The following LDB2 variants were observed in gnomAD, a reference collection of about 807,000 sequenced individuals.
LDB2 encodes LIM domain binding 2, also known as LIM domain-binding protein 2.
LDB2 carries 12 observed loss-of-function variants against 44.3 expected under a neutral mutation model. The observed-to-expected ratio is 0.27, with a 90% confidence interval of 0.17 to 0.44. LDB2 has a LOEUF of 0.44. Ranked by LOEUF, LDB2 falls within the 20% of genes least tolerant of loss-of-function variation. The pLI is 1.00. For synonymous variants in LDB2, 164 were observed against 174.8 expected (o/e 0.94, Z 0.49); for missense variants, 344 against 473.5 (o/e 0.73, Z 2.54).
At chr4:16,562,555 G>T (rs1381691092) in intron 5 of LDB2, among the ~76,000 whole-genome samples, 1 of 152,204 alleles carries the variant, frequency 6.6e-6, no homozygotes, top group Non-Finnish European at 1.5e-5. Context: ...TCATTAAAAA[G>T]TCAGGAAACA....
intron 1 of LDB2, among the ~76,000 whole-genome samples, chr4:16,886,664 A>T (rs1490662080): frequency 6.6e-6 from 1 of 152,196 alleles, no homozygotes; most frequent in African/African-American, 2.4e-5. Flanking sequence ...ATAAACTGGC[A>T]AAGGAAATCA....
At position 16,561,578 on chromosome 4, in the gene LDB2, CA is replaced by C. The variant is rs1354078157; in HGVS notation, c.615+24343del. Among the ~76,000 whole-genome samples, 4 of 152,144 alleles carry C rather than the reference CA, an allele frequency of 2.6e-5. No homozygotes were observed. The East Asian group carries it at 7.7e-4, about 29-fold the overall frequency. On this transcript the variant is annotated intron_variant, in intron 5 of 7. Transcript: ENST00000304523. ...TCAAGGCAATAAAAGAGGATACAAA[CA>C]AATGGAAGAACATTCCATGCTCATG... is the stretch of plus-strand genomic sequence containing the variant.
At chr4:16,572,192 A>G (rs1048724281) in intron 5 of LDB2, among the ~76,000 whole-genome samples, 1 of 152,174 alleles carries the variant, frequency 6.6e-6, no homozygotes, top group African/African-American at 2.4e-5. Flanking sequence ...AACTCCCTTC[A>G]TGCTTTGCCC....
rs528659037 is a variant in LDB2 at position 16,562,599 on chromosome 4, C to A, written c.615+23323G>T. Reference sequence around the variant, plus strand: ...TGGAGAGGATGTGGACAAATAGGAACACTTTTACACTGTTGGTGGGACTGT... The same window carrying A: ...TGGAGAGGATGTGGACAAATAGGAAAACTTTTACACTGTTGGTGGGACTGT... On this transcript the variant is annotated intron_variant, in intron 5 of 7. Transcript: ENST00000304523. Among the ~76,000 whole-genome samples the A allele has an allele frequency of 3.3e-5, 5 of 152,276 alleles. No individual in the cohort carries two copies. The East Asian group carries it at 9.7e-4, about 29-fold the overall frequency.
intron 2 of LDB2, among the ~76,000 whole-genome samples, chr4:16,646,237 G>A (rs1310328722): frequency 6.6e-6 from 1 of 152,150 alleles, no homozygotes; most frequent in Non-Finnish European, 1.5e-5. Context: ...ATGCTGTAAT[G>A]TAGAAATCTC....
intron 2 of LDB2, among the ~76,000 whole-genome samples, chr4:16,629,619 T>C (rs192114354): frequency 1.1e-4 from 16 of 151,876 alleles, no homozygotes; most frequent in Non-Finnish European, 1.5e-4. Flanking sequence ...CTTCAGAAGA[T>C]TGGTAATAAC....
At chr4:16,873,645 T>C (rs1341102487) in intron 1 of LDB2, among the ~76,000 whole-genome samples, 1 of 152,244 alleles carries the variant, frequency 6.6e-6, no homozygotes, top group Non-Finnish European at 1.5e-5. Flanking sequence ...AATATTGTTT[T>C]TATATTTTAT....
At chr4:16,619,279 G>T (rs934698994) in intron 2 of LDB2, among the ~76,000 whole-genome samples, 37 of 152,096 alleles carry the variant, frequency 2.4e-4, no homozygotes, top group African/African-American at 8.5e-4. Context: ...CCCTACTGCA[G>T]ACCACACCAG....
At chr4:16,545,421 G>A (rs1389031563) in intron 5 of LDB2, among the ~76,000 whole-genome samples, 1 of 152,180 alleles carries the variant, frequency 6.6e-6, no homozygotes, top group Non-Finnish European at 1.5e-5. Context: ...TATATTAACA[G>A]CGCTGCTGGT....
chr4:16,502,554 C>T lies in LDB2; in HGVS notation c.*89G>A, dbSNP rs1268910480. On this transcript the variant is annotated 3_prime_UTR_variant, in exon 8 of 8. Transcript: ENST00000304523. ...GATATTTGCATGGAAAAGTTTTTAT[C>T]TCTTCTGTTTCCTCTCCTGTAAGTA... is the stretch of plus-strand genomic sequence containing the variant. 2.6e-6 allele frequency: 4 copies of T among 1,513,662 alleles called. No individual in the cohort carries two copies. The highest frequency in any genetic ancestry group is 2.7e-6 in the Non-Finnish European group (3 of 1,108,148). 93.8% of individuals were successfully genotyped at this position (1,513,662 alleles called of 1,614,324 possible).
At chr4:16,605,360 G>T (rs1723639345) in intron 2 of LDB2, among the ~76,000 whole-genome samples, 1 of 152,104 alleles carries the variant, frequency 6.6e-6, no homozygotes, top group African/African-American at 2.4e-5. Flanking sequence ...GAGTTAGGGT[G>T]CAATAAAATG....
intron 5 of LDB2, among the ~76,000 whole-genome samples, chr4:16,565,161 A>G (rs943647769): frequency 5.3e-5 from 8 of 152,190 alleles, no homozygotes; most frequent in African/African-American, 1.4e-4. Flanking sequence ...TCTCAGACCT[A>G]CCACTTACTG....
At chr4:16,693,458 C>T (rs1751340968) in intron 2 of LDB2, among the ~76,000 whole-genome samples, 1 of 148,572 alleles carries the variant, frequency 6.7e-6, no homozygotes, top group South Asian at 2.1e-4. Flanking sequence ...TGGGTTCAAA[C>T]GATTCTTCTG....
At chr4:16,505,878 T>G (rs1213788292) in intron 7 of LDB2, 3 of 1,551,338 alleles carry the variant, frequency 1.9e-6, no homozygotes, top group Non-Finnish European at 1.7e-6. Flanking sequence ...TCAGGGCCCC[T>G]CAATGCTTCT....
At position 16,502,109 on chromosome 4, in the gene LDB2, T is replaced by TAAAG. The variant is rs1028734343; in HGVS notation, c.*530_*533dup. 5.9e-5 allele frequency: 9 copies of TAAAG among 151,806 alleles called. No homozygotes were observed. Among genetic ancestry groups the TAAAG allele is most frequent in the African/African-American group, 2.0e-4 (8 of 40,948 alleles). 9.4% of individuals were successfully genotyped at this position (151,806 alleles called of 1,614,324 possible). A position where few individuals can be genotyped will look rare whatever the true frequency, so the allele number is the denominator to read the frequency against. ...AGCTGTTGCCCAATGAAAGAAAACA[T>TAAAG]AAAGAAAAAAAAAATAAGGTACATT... is the stretch of plus-strand genomic sequence containing the variant. On this transcript the variant is annotated 3_prime_UTR_variant, in exon 8 of 8. Transcript: ENST00000304523.
chr4:16,665,024 A>G (rs778571867), intron 2 of LDB2, among the ~76,000 whole-genome samples: 1 of 152,218 alleles, frequency 6.6e-6, no homozygotes, highest in African/African-American at 2.4e-5. Context: ...CACTCAGCCA[A>G]GTATGAACTA....
At chr4:16,877,130 GAGAC>G (rs1235702203) in intron 1 of LDB2, among the ~76,000 whole-genome samples, 2 of 152,182 alleles carry the variant, frequency 1.3e-5, no homozygotes, top group African/African-American at 4.8e-5. Flanking sequence ...ACTGGCAAGA[GAGAC>G]AGGCCAGATA....
chr4:16,502,097 T>TGAAA lies in LDB2; in HGVS notation c.*542_*545dup, dbSNP rs1717657198. On this transcript the variant is annotated 3_prime_UTR_variant, in exon 8 of 8. Coordinates refer to ENST00000304523, the MANE Select transcript of LDB2 (RefSeq NM_001290.5). Reference sequence around the variant, plus strand: ...CTGGGCCCTCTTAGCTGTTGCCCAATGAAAGAAAACATAAAGAAAAAAAAA... The same window carrying TGAAA: ...CTGGGCCCTCTTAGCTGTTGCCCAATGAAAGAAAGAAAACATAAAGAAAAAAAAA... The TGAAA allele has an allele frequency of 6.5e-6, 1 of 153,254 alleles. No homozygotes were observed. The highest frequency in any genetic ancestry group is 2.4e-5 in the African/African-American group (1 of 41,328). 9.5% of individuals were successfully genotyped at this position (153,254 alleles called of 1,614,324 possible). A position where few individuals can be genotyped will look rare whatever the true frequency, so the allele number is the denominator to read the frequency against.
intron 2 of LDB2, among the ~76,000 whole-genome samples, chr4:16,604,848 A>C (rs1723503498): frequency 6.6e-6 from 1 of 152,202 alleles, no homozygotes; most frequent in South Asian, 2.1e-4. Flanking sequence ...TTGCACTCCT[A>C]GTATAAACCT....
Sources: gnomAD v4.1 joint callset for allele counts (sites outside exome capture counted in the v4.1 genomes callset) on GRCh38, gnomAD v4.1.1 for gene constraint, MANE v1.5 for transcripts, NCBI Gene and HGNC (gene_info 2026-07-23, HGNC 2026-07-21) for gene names.